The following SCAPER variants were observed in gnomAD, a reference collection of about 807,000 sequenced individuals.
The protein encoded by SCAPER is S phase cyclin A-associated protein in the endoplasmic reticulum.
Under a neutral mutation model 182.2 loss-of-function variants are expected in SCAPER, and 98 were observed. The observed-to-expected ratio is 0.54, with a 90% confidence interval of 0.46 to 0.64. The LOEUF is 0.64. Ranked by LOEUF, SCAPER falls within the 30% of genes least tolerant of loss-of-function variation. The pLI is 0.00. For synonymous variants in SCAPER, 605 were observed against 564.6 expected (o/e 1.07, Z -1.01); for missense variants, 1,432 against 1,690.0 (o/e 0.85, Z 2.68).
chr15:76,449,522 C>T (rs182791431), intron 25 of SCAPER, among the ~76,000 whole-genome samples: 1 of 152,236 alleles, frequency 6.6e-6, no homozygotes, highest in East Asian at 1.9e-4. Context: ...ATGATTTAAT[C>T]CCTTTGAGTC....
chr15:76,715,201 T>A (rs1174348450), intron 17 of SCAPER, among the ~76,000 whole-genome samples: 1 of 149,994 alleles, frequency 6.7e-6, no homozygotes, highest in Non-Finnish European at 1.5e-5. Context: ...ATACTACTGG[T>A]GAGACAGCAC....
At chr15:76,720,320 G>C (rs564208870) in intron 17 of SCAPER, among the ~76,000 whole-genome samples, 8 of 152,060 alleles carry the variant, frequency 5.3e-5, no homozygotes, top group African/African-American at 1.4e-4. Flanking sequence ...TCTTAATCCA[G>C]TCTATCATTG....
At chr15:76,425,290 T>C (rs1596549017) in intron 26 of SCAPER, among the ~76,000 whole-genome samples, 1 of 152,228 alleles carries the variant, frequency 6.6e-6, no homozygotes, top group African/African-American at 2.4e-5. Context: ...CATAGTCCCA[T>C]ATTTCTGGGA....
intron 23 of SCAPER, among the ~76,000 whole-genome samples, chr15:76,553,458 G>C (rs2045943363): frequency 1.3e-5 from 2 of 152,206 alleles, no homozygotes; most frequent in Admixed American, 1.3e-4. Context: ...TCCCACAGGT[G>C]TCCCCTACAG....
chr15:76,424,314 C>T (rs565713952), intron 26 of SCAPER, among the ~76,000 whole-genome samples: 84 of 152,294 alleles, frequency 5.5e-4, no homozygotes, highest in African/African-American at 1.9e-3. Context: ...GTATTGGGTG[C>T]ATATATGTTT....
In SCAPER at chr15:76,794,791, A is replaced by G. The variant is rs573358081; in HGVS notation, c.772+489T>C. On this transcript the variant is annotated intron_variant, in intron 8 of 31. Coordinates refer to ENST00000563290, the MANE Select transcript of SCAPER (RefSeq NM_020843.4). ...AATTCTTATGGGATAAAATTGTTCT[A>G]GGTGGGCCCTCATAATAATCCCTCT... Among the ~76,000 whole-genome samples, 160 of 152,328 alleles carry G rather than the reference A, an allele frequency of 1.1e-3. 3 individuals are homozygous for G. The highest frequency in any genetic ancestry group is 3.8e-3 in the African/African-American group (157 of 41,574).
chr15:76,810,442 C>A (rs1478355797), intron 5 of SCAPER, among the ~76,000 whole-genome samples: 1 of 147,484 alleles, frequency 6.8e-6, no homozygotes, highest in African/African-American at 2.5e-5. Context: ...ATCATTATAA[C>A]AATAAAATAT....
chr15:76,616,601 ATGAG>A (rs1284896568), intron 22 of SCAPER, among the ~76,000 whole-genome samples: 2 of 152,194 alleles, frequency 1.3e-5, no homozygotes, highest in Non-Finnish European at 2.9e-5. Context: ...TGTATTAATA[ATGAG>A]TAAGATAGTA....
intron 1 of SCAPER, among the ~76,000 whole-genome samples, chr15:76,900,641 A>C (rs569083156): frequency 7.9e-5 from 12 of 152,292 alleles, no homozygotes; most frequent in African/African-American, 2.9e-4. Context: ...ATCTGTGGAG[A>C]TGCCTAAGAA....
chr15:76,469,511 G>C (rs988036704), intron 25 of SCAPER, among the ~76,000 whole-genome samples: 1 of 151,916 alleles, frequency 6.6e-6, no homozygotes, highest in African/African-American at 2.4e-5. Context: ...CCTTTTTCTG[G>C]TCCAGGATCA....
At chr15:76,600,227 C>A (rs1371563947) in intron 22 of SCAPER, among the ~76,000 whole-genome samples, 4 of 119,612 alleles carry the variant, frequency 3.3e-5, no homozygotes, top group African/African-American at 1.0e-4. Context: ...TTGTACCAAA[C>A]AGATAACATA....
At chr15:76,689,967 A>AAATAAG (rs3058654) in intron 20 of SCAPER, among the ~76,000 whole-genome samples, 146,735 of 151,128 alleles carry the variant, frequency 0.97, 71,364 homozygotes, top group South Asian at 1. Context: ...ATGAATAAAT[A>AAATAAG]AATATGGGCA....
intron 17 of SCAPER, among the ~76,000 whole-genome samples, chr15:76,722,305 G>C (rs1054200942): frequency 6.6e-6 from 1 of 152,132 alleles, no homozygotes; most frequent in Non-Finnish European, 1.5e-5. Context: ...TAAGCTTTTC[G>C]ATGTGTTGCT....
chr15:76,351,907 T>A (rs1186269197), intron 30 of SCAPER, among the ~76,000 whole-genome samples: 1 of 152,222 alleles, frequency 6.6e-6, no homozygotes, highest in Non-Finnish European at 1.5e-5. Flanking sequence ...ATAAACAATA[T>A]AAGAAATTTT....
At chr15:76,898,904 T>C (rs2074583172) in intron 1 of SCAPER, among the ~76,000 whole-genome samples, 1 of 152,216 alleles carries the variant, frequency 6.6e-6, no homozygotes, top group African/African-American at 2.4e-5. Context: ...ATGGGTGGAT[T>C]TTATGGTATG....
At chr15:76,619,866 G>A (rs1264398063) in intron 22 of SCAPER, among the ~76,000 whole-genome samples, 2 of 152,054 alleles carry the variant, frequency 1.3e-5, no homozygotes, top group African/African-American at 2.4e-5. Flanking sequence ...CTGCCTGAGC[G>A]CAGGAGTTCG....
At chr15:76,634,483 G>A (rs908999882) in intron 21 of SCAPER, among the ~76,000 whole-genome samples, 1 of 152,072 alleles carries the variant, frequency 6.6e-6, no homozygotes, top group African/African-American at 2.4e-5. Context: ...TACAAAAGAG[G>A]CTATTGGAAT....
intron 21 of SCAPER, among the ~76,000 whole-genome samples, chr15:76,637,407 C>T (rs978618935): frequency 1.3e-5 from 2 of 151,986 alleles, no homozygotes; most frequent in Admixed American, 6.6e-5. Context: ...TTCTTGTTAC[C>T]GTCTTTTTAA....
intron 23 of SCAPER, among the ~76,000 whole-genome samples, chr15:76,554,946 AATTTTTGT>A (rs2046082530): frequency 6.6e-6 from 1 of 152,086 alleles, no homozygotes; most frequent in South Asian, 2.1e-4. Context: ...ATGCCCAGCT[AATTTTTGT>A]ATTTTTAGTA....
Sources: allele counts gnomAD v4.1 joint callset (sites outside exome capture counted in the v4.1 genomes callset), GRCh38; gene constraint gnomAD v4.1.1; transcripts MANE v1.5; gene names NCBI Gene and HGNC (gene_info 2026-07-23, HGNC 2026-07-21).